The following CLTCL1 variants were observed in gnomAD, a reference collection of about 807,000 sequenced individuals.
The protein encoded by CLTCL1 is clathrin heavy chain 2.
In CLTCL1, 159 loss-of-function variants were observed where a neutral mutation model predicts 190.0. The observed-to-expected ratio is 0.84, with a 90% confidence interval of 0.74 to 0.95. The LOEUF (loss-of-function observed/expected upper bound fraction) is 0.95. Among genes scored for constraint, CLTCL1 ranks in the 40% least tolerant of loss-of-function variants. The pLI is 0.00. For synonymous variants in CLTCL1, 752 were observed against 769.6 expected (o/e 0.98, Z 0.38); for missense variants, 1,878 against 2,033.4 (o/e 0.92, Z 1.47).
intron 10 of CLTCL1, among the ~76,000 whole-genome samples, chr22:19,231,208 A>G (rs1160889828): frequency 1.3e-5 from 2 of 152,200 alleles, no homozygotes; most frequent in Non-Finnish European, 2.9e-5. Context: ...CATAATCACG[A>G]GCCAATTCTC....
chr22:19,289,228 C>T (rs939331903), intron 1 of CLTCL1, among the ~76,000 whole-genome samples: 52 of 152,150 alleles, frequency 3.4e-4, no homozygotes, highest in African/African-American at 1.3e-3. Flanking sequence ...GGTGATCCAC[C>T]CGCCTCGGCC....
intron 11 of CLTCL1, 144 bp from the exon 12 acceptor site, chr22:19,226,527 C>G (rs2085751499): frequency 3.4e-6 from 3 of 875,118 alleles, no homozygotes; most frequent in Non-Finnish European, 3.5e-6. Context: ...TCTGTGGTGG[C>G]AGCAGTGCTT....
intron 32 of CLTCL1, 35 bp from the exon 33 acceptor site, chr22:19,180,004 T>G: frequency 1.7e-6 from 1 of 600,614 alleles, no homozygotes; most frequent in Non-Finnish European, 3.0e-6. Flanking sequence ...AGCAGAGCTC[T>G]TCCTGCCCAT....
chr22:19,262,901 C>T (rs1261775028), intron 2 of CLTCL1, among the ~76,000 whole-genome samples: 4 of 150,904 alleles, frequency 2.7e-5, no homozygotes, highest in African/African-American at 7.3e-5. Context: ...CGTGGTCGCA[C>T]GTGCTTGTAA....
intron 3 of CLTCL1, among the ~76,000 whole-genome samples, chr22:19,248,430 C>T (rs2086488284): frequency 6.6e-6 from 1 of 152,170 alleles, no homozygotes; most frequent in Non-Finnish European, 1.5e-5. Flanking sequence ...TCAGACACCC[C>T]TGGTTTAAAG....
intron 19 of CLTCL1, among the ~76,000 whole-genome samples, chr22:19,212,647 AAAAGAAAG>A (rs1206427684): frequency 6.7e-6 from 1 of 148,970 alleles, no homozygotes; most frequent in Non-Finnish European, 1.5e-5. Flanking sequence ...AGAGAAAGAA[AAAAGAAAG>A]AAAGAAAGAA....
At chr22:19,249,831 C>A (rs2086535430) in intron 3 of CLTCL1, 2 of 366,728 alleles carry the variant, frequency 5.5e-6, no homozygotes, top group Admixed American at 3.1e-5. Flanking sequence ...ATACCCTGTT[C>A]ACAAACCATC....
At chr22:19,277,736 C>T (rs114590554) in intron 1 of CLTCL1, among the ~76,000 whole-genome samples, 297 of 152,310 alleles carry the variant, frequency 1.9e-3, no homozygotes, top group African/African-American at 6.7e-3. Flanking sequence ...AGACTGCCAA[C>T]GCCAGATGTG....
chr22:19,269,146 T>C lies in CLTCL1; in HGVS notation c.250+6477A>G, dbSNP rs1229855236. ...GGCCGGTAGTGGTGGTTCACGCCTG[T>C]AATCCCAGCACTTTGGGAGGCCAAG... On this transcript the variant is annotated intron_variant, in intron 2 of 32. Transcript: ENST00000427926. Among the ~76,000 whole-genome samples, 7 of 151,202 alleles carry C rather than the reference T, an allele frequency of 4.6e-5. No homozygotes were observed. The East Asian group carries it at 1.2e-3, about 25-fold the overall frequency.
intron 1 of CLTCL1, among the ~76,000 whole-genome samples, chr22:19,282,986 C>T (rs566645823): frequency 7.9e-5 from 12 of 151,684 alleles, no homozygotes; most frequent in African/African-American, 2.7e-4. Context: ...ATTCTCCAGC[C>T]TCAGCCTCCC....
intron 1 of CLTCL1, among the ~76,000 whole-genome samples, chr22:19,286,062 G>T: frequency 6.6e-6 from 1 of 152,200 alleles, no homozygotes; most frequent in East Asian, 1.9e-4. Flanking sequence ...CCCTGCAACA[G>T]AAATATCTCA....
At chr22:19,243,846 C>T (rs1461513357) in intron 3 of CLTCL1, among the ~76,000 whole-genome samples, 6 of 151,576 alleles carry the variant, frequency 4.0e-5, no homozygotes, top group Admixed American at 6.6e-5. Context: ...TATAGGCGCC[C>T]GCCACCATGC....
intron 1 of CLTCL1, among the ~76,000 whole-genome samples, chr22:19,277,597 C>T (rs2146310507): frequency 6.6e-6 from 1 of 152,230 alleles, no homozygotes; most frequent in Non-Finnish European, 1.5e-5. Flanking sequence ...ATTGATATTG[C>T]CATTATTACA....
chr22:19,276,022 A>AAG (rs782465310), intron 1 of CLTCL1, among the ~76,000 whole-genome samples, 192 bp from the exon 2 acceptor site: 92,290 of 151,696 alleles, frequency 0.61, 28,206 homozygotes, highest in South Asian at 0.73. Context: ...ACTCTCCTTG[A>AAG]GAGATTACCA....
chr22:19,268,926 C>T (rs1555979140), intron 2 of CLTCL1, among the ~76,000 whole-genome samples: 2 of 151,972 alleles, frequency 1.3e-5, no homozygotes, highest in African/African-American at 2.4e-5. Flanking sequence ...CTCGTCTCTA[C>T]TAAAAATACA....
At position 19,223,915 on chromosome 22, in the gene CLTCL1, T is replaced by C; in HGVS notation, c.2268A>G (p.Pro756=). Residue 756 remains proline, a synonymous_variant, in exon 14 of 33, where the codon CCA becomes CCG. Coordinates refer to ENST00000427926, the MANE Select transcript of CLTCL1 (RefSeq NM_007098.4). ...CCTTCAGGAAGTTCTTCACACGCTC[T>C]GGGTTGTAGCAGCTGCTCTCTCGGC... ...RICRESSCYN[P]ERVKNFLKEA... 1 of 1,613,892 alleles carries C rather than the reference T, an allele frequency of 6.2e-7. No homozygotes were observed. Among genetic ancestry groups the C allele is most frequent in the South Asian group, 1.1e-5 (1 of 91,066 alleles).
At chr22:19,199,989 GA>G (rs1297248836) in intron 23 of CLTCL1, 148 bp from the exon 24 acceptor site, 7 of 588,982 alleles carry the variant, frequency 1.2e-5, no homozygotes, top group Non-Finnish European at 2.1e-5. Context: ...ACTCTATGAT[GA>G]ATTGTACAAG....
chr22:19,210,384 A>G lies in CLTCL1; in HGVS notation c.3191T>C (p.Leu1064Pro), dbSNP rs782703559. 1.2e-6 allele frequency: 2 copies of G among 1,614,028 alleles called. No individual in the cohort carries two copies. The highest frequency in any genetic ancestry group is 2.2e-5 in the East Asian group (1 of 44,870). ...DIASIAVSSA[L>P]YEEAFTVFHK... The stretch of plus-strand genomic sequence containing the variant: ...GAAAACGGTGAAGGCCTCCTCATAC[A>G]GTGCGCTGCTGACAGCGATGCTCGC... The change falls in exon 20 of 33, where the codon CTG becomes CCG. Residue 1064 changes from leucine to proline, a missense_variant. By Grantham distance (98) the Leu-to-Pro change is moderately conservative. Transcript: ENST00000427926.
intron 2 of CLTCL1, among the ~76,000 whole-genome samples, chr22:19,274,980 C>T (rs1320779088): frequency 2.0e-5 from 3 of 152,040 alleles, no homozygotes; most frequent in African/African-American, 7.2e-5. Context: ...CTGCCTGCCT[C>T]GGCCTCCCAA....
Sources: gnomAD v4.1 joint callset for allele counts (sites outside exome capture counted in the v4.1 genomes callset) on GRCh38, gnomAD v4.1.1 for gene constraint, MANE v1.5 for transcripts, NCBI Gene and HGNC (gene_info 2026-07-23, HGNC 2026-07-21) for gene names.